RHOJ: variants seen among roughly 807,000 people sequenced by gnomAD.
RHOJ encodes the protein rho-related GTP-binding protein RhoJ.
A neutral mutation model predicts 23.4 loss-of-function variants in RHOJ; 11 were observed. That is an observed-to-expected ratio of 0.47 (90% CI 0.30 to 0.78). The LOEUF is 0.78. Ranked by LOEUF, RHOJ falls within the 30% of genes least tolerant of loss-of-function variation. The probability of loss-of-function intolerance (pLI) is 0.08; values close to 1 mark genes in which losing one functional copy is unlikely to be tolerated. For missense variants in RHOJ, 254 were observed against 273.4 expected, an observed-to-expected ratio of 0.93 and a Z score of 0.50; for synonymous variants, 102 against 102.7, an observed-to-expected ratio of 0.99 and a Z score of 0.04.
intron 1 of RHOJ, among the ~76,000 whole-genome samples, chr14:63,230,970 C>A (rs527902338): frequency 6.6e-6 from 1 of 150,692 alleles, no homozygotes; most frequent in Non-Finnish European, 1.5e-5. Flanking sequence ...CTCACTGCAA[C>A]CTCCGCCTCC....
At chr14:63,243,563 C>G (rs1249052598) in intron 1 of RHOJ, among the ~76,000 whole-genome samples, 2 of 152,164 alleles carry the variant, frequency 1.3e-5, no homozygotes, top group Non-Finnish European at 2.9e-5. Flanking sequence ...TGGTCTCAAA[C>G]TCCTGACCTC....
At chr14:63,234,941 A>T (rs1594759191) in intron 1 of RHOJ, among the ~76,000 whole-genome samples, 1 of 152,170 alleles carries the variant, frequency 6.6e-6, no homozygotes, top group Non-Finnish European at 1.5e-5. Flanking sequence ...CCTTCCTTTT[A>T]ATTTTAAAAT....
At chr14:63,217,150 A>C (rs1479103525) in intron 1 of RHOJ, among the ~76,000 whole-genome samples, 5 of 150,334 alleles carry the variant, frequency 3.3e-5, no homozygotes, top group Non-Finnish European at 5.9e-5. Flanking sequence ...GGTTAGTTAC[A>C]TACGTATACA....
intron 2 of RHOJ, among the ~76,000 whole-genome samples, chr14:63,277,095 G>T (rs569364949): frequency 1.3e-5 from 2 of 152,268 alleles, no homozygotes; most frequent in African/African-American, 4.8e-5. Context: ...ATTCTGAGCT[G>T]CAGAAAACAG....
At chr14:63,234,971 C>T (rs1566613030) in intron 1 of RHOJ, among the ~76,000 whole-genome samples, 1 of 152,106 alleles carries the variant, frequency 6.6e-6, no homozygotes, top group African/African-American at 2.4e-5. Context: ...CCAGTAAACT[C>T]AGAAACATTG....
chr14:63,211,285 T>G (rs1236529160), intron 1 of RHOJ, among the ~76,000 whole-genome samples: 1 of 152,158 alleles, frequency 6.6e-6, no homozygotes, highest in Non-Finnish European at 1.5e-5. Flanking sequence ...TTGGGAAAAT[T>G]TATTCATAAG....
intron 3 of RHOJ, among the ~76,000 whole-genome samples, chr14:63,282,682 GA>G (rs199732507): frequency 0.18 from 13,160 of 73,038 alleles, 1,622 homozygotes; most frequent in African/African-American, 0.42. Flanking sequence ...TTGGAAAAGC[GA>G]AAAAAAAAAA....
At chr14:63,269,027 T>C (rs1895416886) in intron 1 of RHOJ, 83 bp from the exon 2 acceptor site, 1 of 933,776 alleles carries the variant, frequency 1.1e-6, no homozygotes, top group Admixed American at 1.8e-5. Context: ...AAGGAGATGC[T>C]GGCATGGAAA....
At chr14:63,261,455 G>T (rs530968413) in intron 1 of RHOJ, among the ~76,000 whole-genome samples, 1 of 151,430 alleles carries the variant, frequency 6.6e-6, no homozygotes, top group African/African-American at 2.4e-5. Flanking sequence ...TTGAGACAGA[G>T]TCTTACTCTG....
intron 1 of RHOJ, among the ~76,000 whole-genome samples, chr14:63,267,137 G>C (rs1895383305): frequency 6.6e-6 from 1 of 152,346 alleles, no homozygotes; most frequent in Non-Finnish European, 1.5e-5. Context: ...AAGAAGGAAA[G>C]AACAGAGGAA....
chr14:63,270,155 T>C (rs1340321424), intron 2 of RHOJ, among the ~76,000 whole-genome samples: 1 of 149,818 alleles, frequency 6.7e-6, no homozygotes, highest in East Asian at 2.0e-4. Context: ...TTTGTAGCGA[T>C]GCATTCGTCT....
rs1046001456 is a variant in RHOJ, at chr14:63,268,207, C to T, written c.179-903C>T. Among the ~76,000 whole-genome samples the T allele has an allele frequency of 5.3e-5, 8 of 152,110 alleles. No individual in the cohort carries two copies. The South Asian group carries it at 8.3e-4, about 16-fold the overall frequency. ...TATTTTATTTCCTTTTTCCAAAAAG[C>T]GATTCAATTTTTTTTTTGGAAATTT... On this transcript the variant is annotated intron_variant, in intron 1 of 4. Coordinates refer to ENST00000316754, the MANE Select transcript of RHOJ (RefSeq NM_020663.5).
chr14:63,221,320 C>T (rs1223212567), intron 1 of RHOJ, among the ~76,000 whole-genome samples: 1 of 152,148 alleles, frequency 6.6e-6, no homozygotes, highest in Non-Finnish European at 1.5e-5. Flanking sequence ...AAGAGTGAGA[C>T]TCTGTCTCAA....
intron 1 of RHOJ, among the ~76,000 whole-genome samples, chr14:63,238,592 T>G (rs1178366521): frequency 6.6e-6 from 1 of 152,114 alleles, no homozygotes; most frequent in Non-Finnish European, 1.5e-5. Flanking sequence ...CGGATAATTT[T>G]TGTATTCTTT....
chr14:63,221,486 T>A (rs1480423053), intron 1 of RHOJ, among the ~76,000 whole-genome samples: 1 of 152,174 alleles, frequency 6.6e-6, no homozygotes, highest in Non-Finnish European at 1.5e-5. Flanking sequence ...TACTGGAGAA[T>A]GGTGATAGCA....
At chr14:63,209,667 A>G (rs1894190150) in intron 1 of RHOJ, among the ~76,000 whole-genome samples, 1 of 152,216 alleles carries the variant, frequency 6.6e-6, no homozygotes, top group Non-Finnish European at 1.5e-5. Flanking sequence ...AGTCCTGCAT[A>G]TTATAGACAC....
At chr14:63,269,068 T>C (rs1432678404) in intron 1 of RHOJ, 42 bp from the exon 2 acceptor site, 1 of 1,444,374 alleles carries the variant, frequency 6.9e-7, no homozygotes, top group East Asian at 2.3e-5. Flanking sequence ...GAAGCTTGTG[T>C]TTATGGACTC....
chr14:63,209,931 C>T (rs1022931078), intron 1 of RHOJ, among the ~76,000 whole-genome samples: 21 of 150,424 alleles, frequency 1.4e-4, no homozygotes, highest in African/African-American at 4.9e-4. Context: ...TGTAATATAG[C>T]ATTGAATTTT....
At chr14:63,260,109 G>A (rs1277885054) in intron 1 of RHOJ, among the ~76,000 whole-genome samples, 3 of 152,046 alleles carry the variant, frequency 2.0e-5, no homozygotes, top group Non-Finnish European at 2.9e-5. Flanking sequence ...GTCAATAAAG[G>A]GCTATATTTA....
Sources: gnomAD v4.1 joint callset for allele counts (sites outside exome capture counted in the v4.1 genomes callset) on GRCh38, gnomAD v4.1.1 for gene constraint, MANE v1.5 for transcripts, NCBI Gene and HGNC (gene_info 2026-07-23, HGNC 2026-07-21) for gene names.